Variants in CCDC178 observed in about 807,000 individuals in gnomAD.
CCDC178 encodes coiled-coil domain containing 178.
In CCDC178, 126 loss-of-function variants were observed where a neutral mutation model predicts 117.4. That is an observed-to-expected ratio of 1.07 (90% CI 0.93 to 1.24). CCDC178 has a LOEUF of 1.24. CCDC178 is among the 50% of genes most tolerant of loss of function. The probability of loss-of-function intolerance (pLI) is 0.00; values close to 1 mark genes in which losing one functional copy is unlikely to be tolerated. For missense variants in CCDC178, 1,030 were observed against 986.9 expected, an observed-to-expected ratio of 1.04 and a Z score of -0.59; for synonymous variants, 283 against 313.4, an observed-to-expected ratio of 0.90 and a Z score of 1.02.
chr18:33,415,566 G>GGGA (rs2063928358), intron 2 of CCDC178, among the ~76,000 whole-genome samples: 1 of 151,744 alleles, frequency 6.6e-6, no homozygotes, highest in Non-Finnish European at 1.5e-5. Flanking sequence ...TGGGGGGATG[G>GGGA]GGGATAGCAT....
rs1599112445 is a variant in CCDC178 at position 33,289,815 on chromosome 18, A to T, written c.1176+3344T>A. On this transcript the variant is annotated intron_variant, in intron 12 of 22. Transcript: ENST00000383096. ...AATAAGATATGCATAAAATGATGGA[A>T]AATTGAATATATGTCAGGAGAGGAT... is the stretch of plus-strand genomic sequence containing the variant. Among the ~76,000 whole-genome samples the T allele has an allele frequency of 2.0e-5, 3 of 152,300 alleles. No homozygotes were observed. The East Asian group carries it at 5.8e-4, about 29-fold the overall frequency.
intron 19 of CCDC178, among the ~76,000 whole-genome samples, chr18:33,215,305 C>T (rs1466494187): frequency 6.6e-6 from 1 of 151,878 alleles, no homozygotes; most frequent in African/African-American, 2.4e-5. Flanking sequence ...AGTTCTCCTC[C>T]TTGGAAAGGG....
At chr18:32,947,515 T>C (rs1408010158) in intron 22 of CCDC178, among the ~76,000 whole-genome samples, 1 of 152,244 alleles carries the variant, frequency 6.6e-6, no homozygotes, top group Non-Finnish European at 1.5e-5. Context: ...TGGTGAATTG[T>C]CTATTCAAAT....
intron 20 of CCDC178, among the ~76,000 whole-genome samples, chr18:33,176,699 A>G (rs1298814183): frequency 6.6e-6 from 1 of 152,098 alleles, no homozygotes; most frequent in East Asian, 1.9e-4. Flanking sequence ...CATTTCAATT[A>G]CTACAGTGTA....
chr18:33,039,493 A>G (rs1385061609), intron 21 of CCDC178, among the ~76,000 whole-genome samples: 1 of 152,076 alleles, frequency 6.6e-6, no homozygotes, highest in Non-Finnish European at 1.5e-5. Flanking sequence ...AGCATTGATC[A>G]GTGGCTACAG....
rs145496524 is a variant in CCDC178 at position 33,073,763 on chromosome 18, G to A, written c.2388+18998C>T. Among the ~76,000 whole-genome samples the A allele has an allele frequency of 6.6e-3, 1,008 of 152,104 alleles. 5 individuals are homozygous for A. The highest frequency in any genetic ancestry group is 0.014 in the South Asian group (67 of 4,816). ...AGTTGCTCTCTTGTATTGAGCATAC[G>A]TTTATGGCAGAAATAAACCATGAAC... is the stretch of plus-strand genomic sequence containing the variant. On this transcript the variant is annotated intron_variant, in intron 21 of 22. Transcript: ENST00000383096.
intron 3 of CCDC178, among the ~76,000 whole-genome samples, chr18:33,408,435 A>G (rs1277741880): frequency 6.6e-6 from 1 of 151,992 alleles, no homozygotes; most frequent in Non-Finnish European, 1.5e-5. Flanking sequence ...TTTTCAAATG[A>G]TTTAACAAAC....
At chr18:33,015,304 C>T (rs760000937) in intron 21 of CCDC178, among the ~76,000 whole-genome samples, 4 of 151,682 alleles carry the variant, frequency 2.6e-5, no homozygotes, top group Non-Finnish European at 5.9e-5. Context: ...AAGTCTCACG[C>T]CTGTAATCTC....
At chr18:33,285,909 T>C (rs1455021732) in intron 12 of CCDC178, among the ~76,000 whole-genome samples, 1 of 151,802 alleles carries the variant, frequency 6.6e-6, no homozygotes, top group Non-Finnish European at 1.5e-5. Context: ...ATTTAATATA[T>C]ATGCCACACA....
At chr18:33,332,732 G>C (rs894231816) in intron 10 of CCDC178, among the ~76,000 whole-genome samples, 1 of 151,966 alleles carries the variant, frequency 6.6e-6, no homozygotes, top group Non-Finnish European at 1.5e-5. Flanking sequence ...TCCCACCTCA[G>C]CCTCCCAAGT....
At chr18:33,062,207 T>C (rs760510214) in intron 21 of CCDC178, among the ~76,000 whole-genome samples, 10 of 152,196 alleles carry the variant, frequency 6.6e-5, no homozygotes, top group Non-Finnish European at 1.5e-4. Flanking sequence ...TAAAATGAAG[T>C]AATTAGGATT....
intron 8 of CCDC178, among the ~76,000 whole-genome samples, chr18:33,347,594 A>G (rs560167424): frequency 8.1e-4 from 123 of 152,242 alleles, no homozygotes; most frequent in African/African-American, 2.9e-3. Context: ...GTCTTTTTTA[A>G]ATGAAAACAT....
At chr18:33,294,582 G>A (rs1483686045) in intron 11 of CCDC178, among the ~76,000 whole-genome samples, 1 of 152,112 alleles carries the variant, frequency 6.6e-6, no homozygotes, top group Non-Finnish European at 1.5e-5. Context: ...TCTCACTATA[G>A]AAATGAAAAT....
At position 33,125,009 on chromosome 18, in the gene CCDC178, C is replaced by G. The variant is rs146221734; in HGVS notation, c.2239-32099G>C. On this transcript the variant is annotated intron_variant, in intron 20 of 22. Transcript: ENST00000383096. ...AGCTGTGCCCTCTTACCTCCACCTG[C>G]ACACATTTGCTTGATGCTAGTGTTT... 5.8e-4 allele frequency among the ~76,000 whole-genome samples: 88 copies of G among 152,266 alleles called. 1 individual carries two copies. The highest frequency in any genetic ancestry group is 3.4e-3 in the Middle Eastern group (1 of 294).
chr18:33,316,094 A>C (rs906673614), intron 11 of CCDC178, among the ~76,000 whole-genome samples: 4 of 152,104 alleles, frequency 2.6e-5, no homozygotes, highest in African/African-American at 4.8e-5. Context: ...GCTTGCTCTC[A>C]GCGCCTCCTC....
chr18:33,117,722 T>TA (rs113708321), intron 20 of CCDC178, among the ~76,000 whole-genome samples: 563 of 143,996 alleles, frequency 3.9e-3, no homozygotes, highest in Non-Finnish European at 6.4e-3. Flanking sequence ...AAAGTATAAT[T>TA]AAAAAAAAAA....
At chr18:33,164,931 T>A (rs992595935) in intron 20 of CCDC178, among the ~76,000 whole-genome samples, 5 of 152,232 alleles carry the variant, frequency 3.3e-5, no homozygotes, top group African/African-American at 1.2e-4. Context: ...CCACTGGTAA[T>A]ATCATGCATT....
At position 33,215,688 on chromosome 18, in the gene CCDC178, C is replaced by A. The variant is rs776180170; in HGVS notation, c.1940G>T (p.Arg647Leu). 2.6e-6 allele frequency: 4 copies of A among 1,514,806 alleles called. No homozygotes were observed. The highest frequency in any genetic ancestry group is 2.9e-5 in the African/African-American group (2 of 68,268). 93.8% of individuals were successfully genotyped at this position (1,514,806 alleles called of 1,614,324 possible). The change falls in exon 19 of 23, where the codon CGC (arginine) becomes CTC (leucine). Residue 647 changes from arginine (R) to leucine (L), a missense_variant. Arg to Leu is a moderately radical substitution (Grantham distance 102, BLOSUM62 -2). Coordinates refer to ENST00000383096, the MANE Select transcript of CCDC178 (RefSeq NM_001105528.4). Reference protein sequence around the residue: ...LDALIETESKRSAIFKDLEAT... With the variant: ...LDALIETESKLSAIFKDLEAT... ...TTCTAGGTCTTTAAAAATTGCTGAG[C>A]GTTTACTCTGAAAAAAAATATACAC...
intron 5 of CCDC178, among the ~76,000 whole-genome samples, chr18:33,384,137 A>C (rs1404882851): frequency 6.6e-6 from 1 of 152,160 alleles, no homozygotes; most frequent in African/African-American, 2.4e-5. Context: ...ATCTTGCAGA[A>C]ATAAGGCAGA....
Sources: allele counts gnomAD v4.1 joint callset (sites outside exome capture counted in the v4.1 genomes callset), GRCh38; gene constraint gnomAD v4.1.1; transcripts MANE v1.5; gene names NCBI Gene and HGNC (gene_info 2026-07-23, HGNC 2026-07-21).